Variants in NRXN3 observed in about 807,000 individuals in gnomAD.
NRXN3 encodes the protein neurexin III.
NRXN3 carries 32 observed loss-of-function variants against 137.6 expected under a neutral mutation model. That is an observed-to-expected ratio of 0.23 (90% CI 0.18 to 0.31). The LOEUF is 0.31. Among genes scored for constraint, NRXN3 ranks in the 10% least tolerant of loss-of-function variants. NRXN3 has a pLI of 1.00. For missense variants in NRXN3, 1,574 were observed against 2,062.5 expected, an observed-to-expected ratio of 0.76 and a Z score of 4.59; for synonymous variants, 798 against 784.5, an observed-to-expected ratio of 1.02 and a Z score of -0.29.
intron 15 of NRXN3, among the ~76,000 whole-genome samples, chr14:79,334,743 C>T (rs1366049349): frequency 2.6e-5 from 4 of 152,124 alleles, no homozygotes; most frequent in Non-Finnish European, 5.9e-5. Context: ...TAGTGGCAAG[C>T]GTGCTACATT....
At chr14:79,803,689 T>C (rs2099190794) in intron 19 of NRXN3, among the ~76,000 whole-genome samples, 1 of 151,952 alleles carries the variant, frequency 6.6e-6, no homozygotes, top group Non-Finnish European at 1.5e-5. Context: ...TAAGACCAGG[T>C]ATAAAGAAGC....
intron 15 of NRXN3, among the ~76,000 whole-genome samples, chr14:79,049,022 CAAAAAAAAAAAAAAAAAAAAA>C (rs1171306670): frequency 7.8e-4 from 23 of 29,468 alleles, no homozygotes; most frequent in East Asian, 2.7e-3. Flanking sequence ...AACTCCGTCT[CAAAAAAAAAAAAAAAAAAAAA>C]AAAAAAAAAA....
intron 10 of NRXN3, among the ~76,000 whole-genome samples, chr14:78,926,718 TA>T (rs1160797502): frequency 3.6e-5 from 3 of 83,174 alleles, no homozygotes; most frequent in South Asian, 3.1e-4. Context: ...ATATATTATA[TA>T]ATTATATATA....
chr14:78,712,261 G>T (rs1388309395), intron 7 of NRXN3, among the ~76,000 whole-genome samples: 1 of 152,178 alleles, frequency 6.6e-6, no homozygotes, highest in Non-Finnish European at 1.5e-5. Flanking sequence ...AATAGTAAGA[G>T]ATAGAGACCT....
At chr14:79,298,520 A>AT (rs1221291681) in intron 15 of NRXN3, among the ~76,000 whole-genome samples, 2 of 152,096 alleles carry the variant, frequency 1.3e-5, no homozygotes, top group East Asian at 1.9e-4. Flanking sequence ...AGGTCTTAAC[A>AT]TTTTTTCTCA....
intron 15 of NRXN3, among the ~76,000 whole-genome samples, chr14:79,297,598 A>C (rs1035453269): frequency 6.6e-6 from 1 of 152,136 alleles, no homozygotes; most frequent in South Asian, 2.1e-4. Flanking sequence ...CTGGCAGCGC[A>C]TGTAGGCTGA....
In NRXN3 at chr14:79,729,010, G is replaced by A. The variant is rs374313921; in HGVS notation, c.4014+31073G>A. ...TACAGTAGATCATAATCCCTTGAGG[G>A]TCACAGCTTATTTCAAAATCCTTGT... is the stretch of plus-strand genomic sequence containing the variant. On this transcript the variant is annotated intron_variant, in intron 19 of 20. Coordinates refer to ENST00000335750, the MANE Select transcript of NRXN3 (RefSeq NM_001330195.2). Among the ~76,000 whole-genome samples the A allele has an allele frequency of 6.6e-5, 10 of 152,200 alleles. No individual in the cohort carries two copies. In the South Asian group the frequency reaches 8.3e-4, roughly 13 times the overall value.
At chr14:78,530,699 A>G (rs574457848) in intron 4 of NRXN3, among the ~76,000 whole-genome samples, 19 of 152,210 alleles carry the variant, frequency 1.2e-4, no homozygotes, top group Non-Finnish European at 1.8e-4. Flanking sequence ...GGCAAGAATT[A>G]CAAAAGCAGG....
intron 15 of NRXN3, among the ~76,000 whole-genome samples, chr14:79,122,322 G>A (rs1372854746): frequency 6.6e-6 from 1 of 152,198 alleles, no homozygotes; most frequent in Non-Finnish European, 1.5e-5. Context: ...GCTGAGGGAA[G>A]CTTGGCTGAA....
intron 1 of NRXN3, among the ~76,000 whole-genome samples, chr14:78,207,753 C>T (rs528893910): frequency 6.6e-6 from 1 of 152,340 alleles, no homozygotes; most frequent in Admixed American, 6.5e-5. Context: ...TATCTTTGAA[C>T]TCCACTTGTT....
intron 16 of NRXN3, chr14:79,661,892 C>CA (rs1407918472): frequency 6.6e-6 from 1 of 152,078 alleles, no homozygotes; most frequent in Non-Finnish European, 1.5e-5. Context: ...TGTTCCCACG[C>CA]AAATCTCATC....
chr14:78,625,558 G>A (rs77067797), intron 4 of NRXN3, among the ~76,000 whole-genome samples: 1,651 of 152,298 alleles, frequency 0.011, 28 homozygotes, highest in African/African-American at 0.036. Context: ...CTTGGACTTA[G>A]CCTGGGTTGT....
chr14:79,346,610 A>G (rs1210368166), intron 15 of NRXN3, among the ~76,000 whole-genome samples: 1 of 152,038 alleles, frequency 6.6e-6, no homozygotes, highest in Non-Finnish European at 1.5e-5. Flanking sequence ...CTTGTGTGCT[A>G]CCCCTCTGCC....
At chr14:79,042,791 C>T (rs566468163) in intron 15 of NRXN3, among the ~76,000 whole-genome samples, 20 of 152,258 alleles carry the variant, frequency 1.3e-4, no homozygotes, top group African/African-American at 4.6e-4. Flanking sequence ...GCTCTGCCAT[C>T]TGGGTTATTG....
intron 4 of NRXN3, among the ~76,000 whole-genome samples, chr14:78,391,197 A>C (rs1160934110): frequency 1.3e-5 from 2 of 152,152 alleles, no homozygotes; most frequent in African/African-American, 4.8e-5. Context: ...CTGCATTTAC[A>C]CAGGAGTACA....
intron 18 of NRXN3, among the ~76,000 whole-genome samples, chr14:79,697,111 A>G (rs1028238892): frequency 6.6e-5 from 10 of 152,034 alleles, no homozygotes; most frequent in African/African-American, 2.2e-4. Flanking sequence ...GTATGCAATG[A>G]ATCCAAGTCT....
At chr14:78,345,503 G>T (rs2153586022) in intron 4 of NRXN3, among the ~76,000 whole-genome samples, 1 of 152,284 alleles carries the variant, frequency 6.6e-6, no homozygotes, top group East Asian at 1.9e-4. Context: ...CTGCAGAAAA[G>T]AGCATTTTCC....
Position 78,948,681 on chromosome 14 carries a change from C to T in NRXN3, c.2276-8561C>T, listed in dbSNP as rs181477149. Reference sequence around the variant, plus strand: ...TTATTAATAGGTTCTGTATGCTAGGCCTGTACCCTGGTCTTACAAATACTT... The same window carrying T: ...TTATTAATAGGTTCTGTATGCTAGGTCTGTACCCTGGTCTTACAAATACTT... On this transcript the variant is annotated intron_variant, in intron 10 of 20. Transcript: ENST00000335750. Among the ~76,000 whole-genome samples the T allele has an allele frequency of 2.0e-3, 275 of 139,774 alleles. 4 individuals are homozygous for T. The highest frequency in any genetic ancestry group is 1.0e-3 in the East Asian group (5 of 4,858). 91.7% of individuals were successfully genotyped at this position (139,774 alleles called of 152,430 possible). A position where few individuals can be genotyped will look rare whatever the true frequency, so the allele number is the denominator to read the frequency against.
chr14:79,302,267 G>A (rs1388312765), intron 15 of NRXN3, among the ~76,000 whole-genome samples: 2 of 151,998 alleles, frequency 1.3e-5, no homozygotes, highest in South Asian at 2.1e-4. Flanking sequence ...TAGTCCATTT[G>A]TGTTGCTATA....
Sources: gnomAD v4.1 joint callset for allele counts (sites outside exome capture counted in the v4.1 genomes callset) on GRCh38, gnomAD v4.1.1 for gene constraint, MANE v1.5 for transcripts, NCBI Gene and HGNC (gene_info 2026-07-23, HGNC 2026-07-21) for gene names.